The following KALRN variants were observed in gnomAD, a reference collection of about 807,000 sequenced individuals.
KALRN encodes the protein kalirin RhoGEF kinase, also known as kalirin.
Under a neutral mutation model 353.7 loss-of-function variants are expected in KALRN, and 70 were observed. The ratio of observed to expected loss-of-function variants is 0.20; its 90% CI spans 0.16 to 0.24. The LOEUF (loss-of-function observed/expected upper bound fraction) is 0.24. KALRN is among the 10% of genes least tolerant of loss of function. KALRN has a pLI of 1.00. For synonymous variants in KALRN, 1,391 were observed against 1,434.8 expected (o/e 0.97, Z 0.69); for missense variants, 2,791 against 3,756.7 (o/e 0.74, Z 6.72).
intron 33 of KALRN, among the ~76,000 whole-genome samples, chr3:124,507,065 C>A (rs2065311469): frequency 6.6e-6 from 1 of 152,066 alleles, no homozygotes; most frequent in South Asian, 2.1e-4. Context: ...AATTTTGAGA[C>A]ATTTCAGATT....
intron 1 of KALRN, among the ~76,000 whole-genome samples, chr3:124,066,948 C>T (rs575196417): frequency 4.6e-5 from 7 of 152,334 alleles, no homozygotes; most frequent in African/African-American, 7.2e-5. Context: ...ACTCTAGCTA[C>T]GTAAGCTCTA....
At chr3:124,125,117 C>T (rs2064492564) in intron 1 of KALRN, among the ~76,000 whole-genome samples, 1 of 152,116 alleles carries the variant, frequency 6.6e-6, no homozygotes, top group African/African-American at 2.4e-5. Flanking sequence ...GGCCTCTGTA[C>T]CAGCAACAGA....
intron 56 of KALRN, among the ~76,000 whole-genome samples, 176 bp downstream of exon 56, chr3:124,700,209 T>C (rs2150670414): frequency 6.6e-6 from 1 of 152,316 alleles, no homozygotes. Context: ...AAATGTTAGG[T>C]CTGCACCCAT....
intron 51 of KALRN, among the ~76,000 whole-genome samples, chr3:124,686,539 C>T (rs1454881369): frequency 1.3e-5 from 2 of 152,106 alleles, no homozygotes; most frequent in African/African-American, 4.8e-5. Context: ...GAACAAAAGC[C>T]CTGAGGTGGG....
chr3:124,710,762 G>A (rs555788911), intron 57 of KALRN, among the ~76,000 whole-genome samples: 15 of 152,312 alleles, frequency 9.8e-5, no homozygotes, highest in Non-Finnish European at 2.2e-4. Flanking sequence ...GCACTCAAGC[G>A]TGGGTGACAG....
chr3:124,034,301 C>T (rs973366414), intron 1 of KALRN, among the ~76,000 whole-genome samples: 1 of 152,154 alleles, frequency 6.6e-6, no homozygotes, highest in Admixed American at 6.5e-5. Context: ...GGAGCCGCGC[C>T]GGCTGCAGAC....
At chr3:124,233,561 C>A (rs1244909975) in intron 2 of KALRN, among the ~76,000 whole-genome samples, 3 of 152,168 alleles carry the variant, frequency 2.0e-5, no homozygotes, top group African/African-American at 7.2e-5. Flanking sequence ...TAATCCTTTT[C>A]TCTCTGCAGC....
chr3:124,070,297 G>A (rs1250348685), intron 1 of KALRN, among the ~76,000 whole-genome samples: 1 of 152,170 alleles, frequency 6.6e-6, no homozygotes, highest in Non-Finnish European at 1.5e-5. Flanking sequence ...CAAGCTCAAT[G>A]ATCCGTGGTG....
chr3:124,093,164 C>T (rs977833046), intron 1 of KALRN, among the ~76,000 whole-genome samples: 8 of 152,232 alleles, frequency 5.3e-5, no homozygotes, highest in Admixed American at 2.6e-4. Flanking sequence ...GCTCCTACCC[C>T]CTGGACGTGC....
chr3:124,317,217 C>T (rs1370044804), intron 6 of KALRN, among the ~76,000 whole-genome samples: 4 of 152,224 alleles, frequency 2.6e-5, no homozygotes, highest in East Asian at 1.9e-4. Flanking sequence ...AATTTCTCAT[C>T]GTCTTCCCTC....
chr3:124,497,161 C>T (rs569788623), intron 33 of KALRN, among the ~76,000 whole-genome samples: 1 of 152,234 alleles, frequency 6.6e-6, no homozygotes, highest in South Asian at 2.1e-4. Flanking sequence ...ATGCAACCGC[C>T]GGAATTTGTA....
intron 25 of KALRN, among the ~76,000 whole-genome samples, chr3:124,470,598 TGCC>T (rs1235198267): frequency 6.6e-6 from 1 of 152,212 alleles, no homozygotes; most frequent in Non-Finnish European, 1.5e-5. Context: ...ATGTAGGATT[TGCC>T]ATCTGGAAGC....
intron 6 of KALRN, among the ~76,000 whole-genome samples, chr3:124,314,113 A>G (rs796614030): frequency 5.9e-5 from 9 of 152,232 alleles, no homozygotes; most frequent in African/African-American, 1.9e-4. Context: ...ATGTCCATCA[A>G]TGATAGACTG....
rs1441302991 is a variant in KALRN, at chr3:124,721,106, A to G, written c.*1636A>G. The G allele has an allele frequency of 6.6e-6, 1 of 152,240 alleles. No individual in the cohort carries two copies. Among genetic ancestry groups the G allele is most frequent in the Admixed American group, 6.5e-5 (1 of 15,288 alleles). 9.4% of individuals were successfully genotyped at this position (152,240 alleles called of 1,614,324 possible). ...TCTAAATGAAAAAGAAATGGTGGAAACTAAGCCTGAACTTTAACATATAAA... is the reference window on the plus strand; with the variant it reads ...TCTAAATGAAAAAGAAATGGTGGAAGCTAAGCCTGAACTTTAACATATAAA... On this transcript the variant is annotated 3_prime_UTR_variant, in exon 60 of 60. Coordinates refer to ENST00000682506, the MANE Select transcript of KALRN (RefSeq NM_001388419.1).
chr3:124,378,533 A>G (rs2149866246), intron 10 of KALRN, among the ~76,000 whole-genome samples: 1 of 152,002 alleles, frequency 6.6e-6, no homozygotes, highest in African/African-American at 2.4e-5. Flanking sequence ...ATCTGATACC[A>G]TTTTCTTTCT....
chr3:124,685,334 A>T (rs1329734842), intron 51 of KALRN, among the ~76,000 whole-genome samples: 1 of 152,036 alleles, frequency 6.6e-6, no homozygotes, highest in African/African-American at 2.4e-5. Flanking sequence ...GAGAATTTTA[A>T]GAAGATCGTC....
At chr3:124,701,443 A>G (rs1221915980) in intron 56 of KALRN, among the ~76,000 whole-genome samples, 2 of 133,660 alleles carry the variant, frequency 1.5e-5, no homozygotes, top group African/African-American at 2.9e-5. Context: ...GCTGGAGTGC[A>G]GTGGCGCGAT....
intron 10 of KALRN, among the ~76,000 whole-genome samples, chr3:124,352,800 T>G (rs1194936191): frequency 6.6e-6 from 1 of 151,588 alleles, no homozygotes; most frequent in Non-Finnish European, 1.5e-5. Flanking sequence ...CACTCATAAG[T>G]GGGAATTGAA....
rs752205306 is a variant in KALRN, at chr3:124,674,596, G to T, written c.7175G>T (p.Ser2392Ile). Residue 2392 changes from serine to isoleucine, a missense_variant, in exon 49 of 60, where the codon AGT becomes ATT. Ser to Ile is a moderately radical substitution (Grantham distance 142). Around this residue, in one of 11 missense-constraint regions of KALRN, gnomAD observed 1,065 missense variants for 1,156.4 expected, o/e 0.92. Transcript: ENST00000682506. ...CTCACCAAAGCCACAGCAGCAGAAA[G>T]TAGTGACGGGAGCATCAAGTAAGTG... The part of the protein sequence containing the change: ...APLTKATAAE[S>I]SDGSIKKSCS... 1.9e-6 allele frequency: 3 copies of T among 1,596,374 alleles called. No homozygotes were observed. The highest frequency in any genetic ancestry group is 2.6e-6 in the Non-Finnish European group (3 of 1,168,756).
Sources: allele counts gnomAD v4.1 joint callset (sites outside exome capture counted in the v4.1 genomes callset), GRCh38; gene constraint gnomAD v4.1.1; regional missense constraint gnomAD v4.1.1; transcripts MANE v1.5; gene names NCBI Gene and HGNC (gene_info 2026-07-23, HGNC 2026-07-21).